The following HIGD1B variants were observed in gnomAD, a reference collection of about 807,000 sequenced individuals.
HIGD1B encodes HIG1 hypoxia inducible domain family member 1B, also known as HIG1 domain family member 1B.
A neutral mutation model predicts 8.8 loss-of-function variants in HIGD1B; 9 were observed. The observed-to-expected ratio is 1.02, with a 90% CI of 0.62 to 1.78. The LOEUF (loss-of-function observed/expected upper bound fraction) is 1.78, where lower values mean the gene tolerates loss of function less well. Among genes scored for constraint, HIGD1B ranks in the 40% most tolerant of loss-of-function variants. The pLI, the probability that HIGD1B is intolerant of heterozygous loss-of-function variation, is 0.00. For missense variants in HIGD1B, 126 were observed against 111.8 expected, an observed-to-expected ratio of 1.13 and a Z score of -0.57; for synonymous variants, 47 against 38.8, an observed-to-expected ratio of 1.21 and a Z score of -0.78.
At chr17:44,845,925 C>T (rs138312554), upstream of HIGD1B, among the ~76,000 whole-genome samples, 1,183 of 151,284 alleles carry the variant, frequency 7.8e-3, 22 homozygotes, top group African/African-American at 0.026. Flanking sequence ...AGCAAGACTC[C>T]ATCTCGGAAA....
chr17:44,850,046 T>C, intron 2 of HIGD1B: 2 of 324,704 alleles, frequency 6.2e-6, no homozygotes, highest in Non-Finnish European at 1.2e-5. Flanking sequence ...TTTCCTGATG[T>C]GTAACATGAC....
intron 1 of HIGD1B, 48 bp downstream of exon 1, chr17:44,848,300 A>G: frequency 1.2e-6 from 1 of 847,794 alleles, no homozygotes. Flanking sequence ...CTTCTCTGTC[A>G]TGTCTCCTGG....
At chr17:44,847,267 A>G (rs1354152174), upstream of HIGD1B, among the ~76,000 whole-genome samples, 2 of 151,522 alleles carry the variant, frequency 1.3e-5, no homozygotes, top group Admixed American at 6.6e-5. Context: ...CCCCGTCTCT[A>G]CTAAAAATAC....
Position 44,849,404 on chromosome 17 carries a change from G to A in HIGD1B, c.235+16G>A. The A allele has an allele frequency of 6.2e-7, 1 of 1,613,718 alleles. No individual in the cohort carries two copies. Among genetic ancestry groups the A allele is most frequent in the South Asian group, 1.1e-5 (1 of 91,048 alleles). On this transcript the variant is annotated intron_variant, in intron 2 of 2. Transcript: ENST00000253410. ...ATCATGCTAGGTGAGTAGCTTTGTG[G>A]GGTCGCAGAATGAGGGCAAAACCGA...
chr17:44,849,223 G>A (rs759355307), intron 1 of HIGD1B, 31 bp from the exon 2 acceptor site: 20 of 1,612,270 alleles, frequency 1.2e-5, no homozygotes, highest in Middle Eastern at 1.6e-4. Context: ...CATTGTGGCT[G>A]TGGCCCAGGG....
Position 44,849,715 on chromosome 17 carries a change from C to T in HIGD1B, c.235+327C>T, listed in dbSNP as rs924342897. Among the ~76,000 whole-genome samples the T allele has an allele frequency of 5.4e-5, 8 of 147,790 alleles. No homozygotes were observed. The South Asian group carries it at 1.3e-3, about 24-fold the overall frequency. On this transcript the variant is annotated intron_variant, in intron 2 of 2. Transcript: ENST00000253410. ...GCGGAGGCTACAGTGGGCTGAGATCCGCCACTGCACTCCAGCCCGGGTGAC... is the reference window on the plus strand; with the variant it reads ...GCGGAGGCTACAGTGGGCTGAGATCTGCCACTGCACTCCAGCCCGGGTGAC...
chr17:44,846,402 C>G (rs1384508839), upstream of HIGD1B: 2 of 152,392 alleles, frequency 1.3e-5, no homozygotes, highest in Non-Finnish European at 2.9e-5. Flanking sequence ...GCCGCCCGTT[C>G]TCCTCGTTCT....
chr17:44,847,319 G>A (rs574167734), upstream of HIGD1B, among the ~76,000 whole-genome samples: 31 of 152,188 alleles, frequency 2.0e-4, 3 homozygotes, highest in South Asian at 6.2e-3. Flanking sequence ...TGTAGTCCCA[G>A]CTACTCGGGA....
intron 1 of HIGD1B, 81 bp from the exon 2 acceptor site, chr17:44,849,173 G>A (rs1597781945): frequency 1.3e-6 from 2 of 1,531,042 alleles, no homozygotes; most frequent in Non-Finnish European, 8.9e-7. Flanking sequence ...CAGATGCCCA[G>A]CCTGCCTGGT....
At position 44,848,053 on chromosome 17, in the gene HIGD1B, T is replaced by G; in HGVS notation, c.-100T>G. 1 of 713,562 alleles carries G rather than the reference T, an allele frequency of 1.4e-6. No homozygotes were observed. The allele number at this position is 713,562 out of a possible 1,614,324, so 44.2% of individuals were successfully genotyped here. ...GTCTTAGCAGGTAACCTTCCTTTCCTCTCCAGACTGAGGAATCAGAGTTCT... is the reference window on the plus strand; with the variant it reads ...GTCTTAGCAGGTAACCTTCCTTTCCGCTCCAGACTGAGGAATCAGAGTTCT... On this transcript the variant is annotated 5_prime_UTR_variant, in exon 1 of 3. Transcript: ENST00000253410.
chr17:44,849,137 A>G (rs754229035), intron 1 of HIGD1B, 117 bp from the exon 2 acceptor site: 56 of 1,198,164 alleles, frequency 4.7e-5, no homozygotes, highest in Non-Finnish European at 6.1e-5. Flanking sequence ...CCGCCACCAG[A>G]TGCTGCATAA....
At chr17:44,849,732 C>A (rs934425427) in intron 2 of HIGD1B, among the ~76,000 whole-genome samples, 5 of 145,196 alleles carry the variant, frequency 3.4e-5, no homozygotes, top group Non-Finnish European at 7.4e-5. Flanking sequence ...GCACTCCAGC[C>A]CGGGTGACAG....
At chr17:44,846,780 G>A (rs1415897372), upstream of HIGD1B, among the ~76,000 whole-genome samples, 1 of 144,890 alleles carries the variant, frequency 6.9e-6, no homozygotes, top group East Asian at 2.0e-4. Context: ...GTGAGACCCT[G>A]CCTAAAAAAA....
upstream of HIGD1B, among the ~76,000 whole-genome samples, chr17:44,845,258 CAAAAAAA>C (rs11366877): frequency 1.7e-5 from 2 of 116,776 alleles, no homozygotes; most frequent in Admixed American, 9.2e-5. Flanking sequence ...AACTCCGTCT[CAAAAAAA>C]AAAAAAAAAA....
Position 44,848,101 on chromosome 17 carries a change from G to T in HIGD1B, c.-52G>T. 3 of 840,132 alleles carry T rather than the reference G, an allele frequency of 3.6e-6. No homozygotes were observed. The highest frequency in any genetic ancestry group is 6.3e-6 in the Non-Finnish European group (3 of 478,872). The allele number at this position is 840,132 out of a possible 1,614,324, so 52.0% of individuals were successfully genotyped here. On this transcript the variant is annotated 5_prime_UTR_variant, in exon 1 of 3. It adds an upstream start codon to the 5' untranslated region. Transcript: ENST00000253410. ...TCTGATTGTGGAGTGCCTCTCTCTAGGACGGGGCTGCAGCATAGGAGTCTC... is the reference window on the plus strand; with the variant it reads ...TCTGATTGTGGAGTGCCTCTCTCTATGACGGGGCTGCAGCATAGGAGTCTC...
intron 2 of HIGD1B, among the ~76,000 whole-genome samples, chr17:44,849,589 A>AT (rs1376431148): frequency 6.6e-6 from 1 of 151,898 alleles, no homozygotes; most frequent in African/African-American, 2.4e-5. Context: ...GTGAAACCCC[A>AT]TATCTACTAA....
chr17:44,845,183 G>A (rs906462095), upstream of HIGD1B, among the ~76,000 whole-genome samples: 6 of 151,678 alleles, frequency 4.0e-5, no homozygotes, highest in Middle Eastern at 3.4e-3. Context: ...ACTTGAACCC[G>A]GGAGGCAGAG....
At chr17:44,849,918 G>T in intron 2 of HIGD1B, 1 of 197,654 alleles carries the variant, frequency 5.1e-6, no homozygotes, top group Non-Finnish European at 1.1e-5. Context: ...TTGCCCTAGG[G>T]GTGAGAAAAA....
upstream of HIGD1B, among the ~76,000 whole-genome samples, chr17:44,847,418 C>T (rs936846781): frequency 3.8e-4 from 58 of 152,182 alleles, no homozygotes; most frequent in Admixed American, 3.3e-4. Context: ...CCGGCCTGGG[C>T]GACAGAGCGA....
Sources: allele counts gnomAD v4.1 joint callset (sites outside exome capture counted in the v4.1 genomes callset), GRCh38; gene constraint gnomAD v4.1.1; transcripts MANE v1.5; gene names NCBI Gene and HGNC (gene_info 2026-07-23, HGNC 2026-07-21).